The following TMEM9B variants were observed in gnomAD, a reference collection of about 807,000 sequenced individuals.
The protein encoded by TMEM9B is transmembrane protein 9B.
Under a neutral mutation model 23.5 loss-of-function variants are expected in TMEM9B, and 8 were observed. The ratio of observed to expected loss-of-function variants is 0.34; its 90% CI spans 0.20 to 0.61. The LOEUF (loss-of-function observed/expected upper bound fraction) is 0.61. Among genes scored for constraint, TMEM9B ranks in the 20% least tolerant of loss-of-function variants. TMEM9B has a pLI of 0.78. For synonymous variants in TMEM9B, 106 were observed against 96.3 expected, an observed-to-expected ratio of 1.10 and a Z score of -0.59; for missense variants, 197 against 252.3, an observed-to-expected ratio of 0.78 and a Z score of 1.49.
At chr11:8,955,087 G>A (rs1279091996) in intron 3 of TMEM9B, among the ~76,000 whole-genome samples, 2 of 149,146 alleles carry the variant, frequency 1.3e-5, no homozygotes, top group Non-Finnish European at 3.0e-5. Flanking sequence ...GGAGGCGGAG[G>A]TTGCAGTGAG....
intron 4 of TMEM9B, among the ~76,000 whole-genome samples, chr11:8,952,279 C>T (rs2653596): frequency 5.6e-4 from 71 of 126,136 alleles, no homozygotes; most frequent in East Asian, 2.7e-3. Context: ...CACACACACA[C>T]GCTATATATA....
rs1853793886 is a variant in TMEM9B, at chr11:8,947,654, T to A, written c.*666A>T. 6.5e-6 allele frequency: 1 copy of A among 152,694 alleles called. No homozygotes were observed. The allele number at this position is 152,694 out of a possible 1,614,324, so 9.5% of individuals were successfully genotyped here. On this transcript the variant is annotated 3_prime_UTR_variant, in exon 5 of 5. Transcript: ENST00000534025. Reference sequence around the variant, plus strand: ...ATGGCCAGTTTGTTCTAGGATGCATTGCATCAGACATCACAGTACATGAAG... The same window carrying A: ...ATGGCCAGTTTGTTCTAGGATGCATAGCATCAGACATCACAGTACATGAAG...
At chr11:8,948,597 T>A in intron 4 of TMEM9B, 122 bp from the exon 5 acceptor site, 1 of 1,171,520 alleles carries the variant, frequency 8.5e-7, no homozygotes, top group Non-Finnish European at 1.2e-6. Flanking sequence ...ACAGAGCATC[T>A]ATTTAGCTAA....
chr11:8,964,495 C>G, upstream of TMEM9B: 1 of 1,413,884 alleles, frequency 7.1e-7, no homozygotes, highest in Non-Finnish European at 9.2e-7. Flanking sequence ...AGCATCCGCC[C>G]CGGAACCGGT....
intron 2 of TMEM9B, 31 bp downstream of exon 2, chr11:8,962,061 T>A (rs780358166): frequency 7.4e-7 from 1 of 1,355,094 alleles, no homozygotes; most frequent in Non-Finnish European, 1.0e-6. Context: ...GAAACAAATG[T>A]GACAGGTAAT....
rs1244607291 is a variant in TMEM9B, at chr11:8,957,414, C to A, written c.198-1116G>T. ...TATTAAGAGTCTATGACTCTGATCA[C>A]CTTCAGCAAAATTAGGGAAAGCTTT... On this transcript the variant is annotated intron_variant, in intron 2 of 4. Coordinates refer to ENST00000534025, the MANE Select transcript of TMEM9B (RefSeq NM_020644.3). The surrounding 1 kb of genome is among the most constrained non-coding windows in gnomAD (Gnocchi z 4.3). Among the ~76,000 whole-genome samples the A allele has an allele frequency of 6.6e-6, 1 of 152,236 alleles. No individual in the cohort carries two copies. Among genetic ancestry groups the A allele is most frequent in the African/African-American group, 2.4e-5 (1 of 41,464 alleles).
At chr11:8,955,171 A>AG (rs1331108716) in intron 3 of TMEM9B, among the ~76,000 whole-genome samples, 1 of 138,638 alleles carries the variant, frequency 7.2e-6, no homozygotes, top group Admixed American at 7.5e-5. Flanking sequence ...AAAAATTGGA[A>AG]GAAAAACCAT....
chr11:8,960,932 G>A (rs1269617964), intron 2 of TMEM9B, among the ~76,000 whole-genome samples: 1 of 152,188 alleles, frequency 6.6e-6, no homozygotes, highest in Non-Finnish European at 1.5e-5. Context: ...TGATCCGCCT[G>A]CCTCAGCCTC....
Position 8,964,376 on chromosome 11 carries a change from G to A in TMEM9B, c.-63C>T. 6.6e-7 allele frequency: 1 copy of A among 1,503,838 alleles called. No individual in the cohort carries two copies. The highest frequency in any genetic ancestry group is 1.8e-4 in the Middle Eastern group (1 of 5,408). The allele number at this position is 1,503,838 out of a possible 1,614,324, so 93.2% of individuals were successfully genotyped here. A position where few individuals can be genotyped will look rare whatever the true frequency, so the allele number is the denominator to read the frequency against. On this transcript the variant is annotated 5_prime_UTR_variant, in exon 1 of 5. Transcript: ENST00000534025. ...GCGACCGGCTCCCGGCTCGGGCTCA[G>A]GCTCAGGCTCAGGCTCAGGCACAGG... is the stretch of plus-strand genomic sequence containing the variant.
intron 2 of TMEM9B, among the ~76,000 whole-genome samples, chr11:8,959,866 T>TA (rs1415636020): frequency 3.3e-5 from 5 of 152,094 alleles, no homozygotes; most frequent in African/African-American, 1.2e-4. Context: ...AATGAAGACT[T>TA]AAAGATAAAA....
At chr11:8,961,860 C>A (rs145917491) in intron 2 of TMEM9B, among the ~76,000 whole-genome samples, 2 of 152,138 alleles carry the variant, frequency 1.3e-5, no homozygotes, top group Non-Finnish European at 2.9e-5. Context: ...TCATATGCTC[C>A]CATGAAACTC....
At chr11:8,961,463 G>C (rs932785122) in intron 2 of TMEM9B, among the ~76,000 whole-genome samples, 3 of 152,228 alleles carry the variant, frequency 2.0e-5, no homozygotes, top group Non-Finnish European at 4.4e-5. Flanking sequence ...CGTAGAAAAA[G>C]CTATTTGTCA....
chr11:8,949,089 C>T (rs1029686676), intron 4 of TMEM9B, among the ~76,000 whole-genome samples: 1 of 152,144 alleles, frequency 6.6e-6, no homozygotes, highest in African/African-American at 2.4e-5. Context: ...TCCTCATTTC[C>T]CCACTTCCCC....
Position 8,964,191 on chromosome 11 carries a change from A to AG in TMEM9B, c.105+17dup, listed in dbSNP as rs1854141566. On this transcript the variant is annotated intron_variant, in intron 1 of 4. Coordinates refer to ENST00000534025, the MANE Select transcript of TMEM9B (RefSeq NM_020644.3). The stretch of plus-strand genomic sequence containing the variant: ...AGGGGAGGAGCTTCCGTCAGGAGCG[A>AG]GGCTGGGCGGGACTCACCTTGGCGG... 1 of 1,559,640 alleles carries AG rather than the reference A, an allele frequency of 6.4e-7. No individual in the cohort carries two copies. Among genetic ancestry groups the AG allele is most frequent in the Non-Finnish European group, 8.7e-7 (1 of 1,152,446 alleles).
In TMEM9B at chr11:8,964,347, C is replaced by G; in HGVS notation, c.-34G>C. 1 of 1,540,528 alleles carries G rather than the reference C, an allele frequency of 6.5e-7. No individual in the cohort carries two copies. Among genetic ancestry groups the G allele is most frequent in the East Asian group, 2.5e-5 (1 of 40,158 alleles). Reference sequence around the variant, plus strand: ...GCCCAGCGGTCCCACAGCCCGGAGCCCCCGCGACCGGCTCCCGGCTCGGGC... The same window carrying G: ...GCCCAGCGGTCCCACAGCCCGGAGCGCCCGCGACCGGCTCCCGGCTCGGGC... On this transcript the variant is annotated 5_prime_UTR_variant, in exon 1 of 5. Transcript: ENST00000534025.
At chr11:8,964,903 G>C (rs1179118104), upstream of TMEM9B, 1 of 152,788 alleles carries the variant, frequency 6.5e-6, no homozygotes, top group African/African-American at 2.4e-5. Context: ...CCGCCCACGC[G>C]CCTCCTGACC....
chr11:8,949,044 AAC>A (rs1157532269), intron 4 of TMEM9B, among the ~76,000 whole-genome samples: 1 of 152,098 alleles, frequency 6.6e-6, no homozygotes, highest in Non-Finnish European at 1.5e-5. Context: ...CTGTACCCTC[AAC>A]ACACACACTA....
Position 8,954,540 on chromosome 11 carries a change from C to T in TMEM9B, c.307-1203G>A, listed in dbSNP as rs190377722. Reference sequence around the variant, plus strand: ...CTGACCTCAAGTGATCCACCCGCCTCGGACTTCCAAAGTGCTGGGATTATA... The same window carrying T: ...CTGACCTCAAGTGATCCACCCGCCTTGGACTTCCAAAGTGCTGGGATTATA... On this transcript the variant is annotated intron_variant, in intron 3 of 4. Transcript: ENST00000534025. 5.5e-3 allele frequency among the ~76,000 whole-genome samples: 844 copies of T among 152,176 alleles called. 3 individuals are homozygous for T. Among genetic ancestry groups the T allele is most frequent in the African/African-American group, 9.2e-3 (382 of 41,530 alleles).
chr11:8,948,206 C>T lies in TMEM9B; in HGVS notation c.*114G>A. ...GTTTTTGCTTCCAGTTTTGAATCTT[C>T]CAGCAACAGTTGGTGAAATCAACAA... On this transcript the variant is annotated 3_prime_UTR_variant, in exon 5 of 5. Transcript: ENST00000534025. The T allele has an allele frequency of 7.4e-7, 1 of 1,342,806 alleles. No homozygotes were observed. The allele number at this position is 1,342,806 out of a possible 1,614,324, so 83.2% of individuals were successfully genotyped here. A position where few individuals can be genotyped will look rare whatever the true frequency, so the allele number is the denominator to read the frequency against.
Sources: allele counts gnomAD v4.1 joint callset (sites outside exome capture counted in the v4.1 genomes callset), GRCh38; gene constraint gnomAD v4.1.1; non-coding constraint Gnocchi (gnomAD v3.1); transcripts MANE v1.5; gene names NCBI Gene and HGNC (gene_info 2026-07-23, HGNC 2026-07-21).